Variants in CDC42SE2 observed in about 807,000 individuals in gnomAD.
CDC42SE2 encodes CDC42 small effector protein 2.
A neutral mutation model predicts 11.5 loss-of-function variants in CDC42SE2; 3 were observed. The ratio of observed to expected loss-of-function variants is 0.26; its 90% CI spans 0.12 to 0.67. The LOEUF is 0.67. Ranked by LOEUF, CDC42SE2 falls within the 30% of genes least tolerant of loss-of-function variation. The pLI is 0.80. For missense variants in CDC42SE2, 82 were observed against 106.8 expected, an observed-to-expected ratio of 0.77 and a Z score of 1.02; for synonymous variants, 33 against 34.8, an observed-to-expected ratio of 0.95 and a Z score of 0.18.
intron 2 of CDC42SE2, among the ~76,000 whole-genome samples, chr5:131,317,383 G>A (rs1404914317): frequency 6.6e-6 from 1 of 152,100 alleles, no homozygotes; most frequent in African/African-American, 2.4e-5. Flanking sequence ...TATTTTCTGT[G>A]ATAATTATAG....
upstream of CDC42SE2, among the ~76,000 whole-genome samples, chr5:131,240,908 A>G (rs753008272): frequency 2.0e-5 from 3 of 152,162 alleles, no homozygotes; most frequent in Non-Finnish European, 4.4e-5. Context: ...TGTATGGTGG[A>G]TAACTTTAGT....
rs1260037259 is a variant in CDC42SE2 at position 131,391,800 on chromosome 5, ATAAT to A, written c.*711_*714del. ...AAGGATAAACCCTGAAAATGTAGAA[ATAAT>A]TTCAAGTTTTTTTTTGTTTTATAGG... On this transcript the variant is annotated 3_prime_UTR_variant, in exon 5 of 5. Coordinates refer to ENST00000505065, the MANE Select transcript of CDC42SE2 (RefSeq NM_001375635.1). The A allele has an allele frequency of 6.6e-6, 1 of 151,682 alleles. No homozygotes were observed. Among genetic ancestry groups the A allele is most frequent in the East Asian group, 1.9e-4 (1 of 5,260 alleles). 9.4% of individuals were successfully genotyped at this position (151,682 alleles called of 1,614,324 possible). A position where few individuals can be genotyped will look rare whatever the true frequency, so the allele number is the denominator to read the frequency against.
At chr5:131,349,038 T>C (rs1213493768) in intron 2 of CDC42SE2, among the ~76,000 whole-genome samples, 2 of 152,182 alleles carry the variant, frequency 1.3e-5, no homozygotes, top group Admixed American at 6.5e-5. Flanking sequence ...ATAAAAACCC[T>C]AGAAGAAAAC....
In CDC42SE2 at chr5:131,380,480, G is replaced by A. The variant is rs1278275237; in HGVS notation, c.55-5063G>A. Among the ~76,000 whole-genome samples, 3 of 152,112 alleles carry A rather than the reference G, an allele frequency of 2.0e-5. No individual in the cohort carries two copies. The South Asian group carries it at 6.2e-4, about 31-fold the overall frequency. On this transcript the variant is annotated intron_variant, in intron 3 of 4. Transcript: ENST00000505065. ...CTATTATACAGTACCCCAAACAAGT[G>A]TGCCATTCTTTAAATGTCCACATTG...
chr5:131,296,441 C>T (rs150766092), intron 1 of CDC42SE2, among the ~76,000 whole-genome samples: 80 of 152,248 alleles, frequency 5.3e-4, no homozygotes, highest in African/African-American at 1.1e-3. Flanking sequence ...GTGTCAACAG[C>T]GCTGTGTTCC....
In CDC42SE2 at chr5:131,278,613, A is replaced by T. The variant is rs944894629; in HGVS notation, c.-455+14447A>T. 5.8e-4 allele frequency among the ~76,000 whole-genome samples: 86 copies of T among 149,302 alleles called. 1 individual carries two copies. Among genetic ancestry groups the T allele is most frequent in the Non-Finnish European group, 7.1e-4 (48 of 67,618 alleles). On this transcript the variant is annotated intron_variant, in intron 1 of 4. Coordinates refer to ENST00000505065, the MANE Select transcript of CDC42SE2 (RefSeq NM_001375635.1). ...GGGCCCTTTTCTCAAAGAGGTGGTC[A>T]AATATTTATCAGCAGACCACTGGCA... is the stretch of plus-strand genomic sequence containing the variant.
At chr5:131,341,078 C>T (rs1758701757) in intron 2 of CDC42SE2, among the ~76,000 whole-genome samples, 1 of 152,132 alleles carries the variant, frequency 6.6e-6, no homozygotes, top group Non-Finnish European at 1.5e-5. Flanking sequence ...AAATATTAAT[C>T]ATCAGCATCA....
chr5:131,269,699 G>A (rs1756951345), intron 1 of CDC42SE2, among the ~76,000 whole-genome samples: 1 of 151,932 alleles, frequency 6.6e-6, no homozygotes, highest in African/African-American at 2.4e-5. Context: ...GGGAGACAGA[G>A]GCTGCAGTGA....
At chr5:131,239,871 C>T in the CDC42SE2 span, among the ~76,000 whole-genome samples, 1 of 152,214 alleles carries the variant, frequency 6.6e-6, no homozygotes, top group South Asian at 2.1e-4. Flanking sequence ...TGACTCTTAT[C>T]TGACAGTTTT....
chr5:131,234,022 A>C, the CDC42SE2 span, among the ~76,000 whole-genome samples: 1 of 152,182 alleles, frequency 6.6e-6, no homozygotes, highest in Admixed American at 6.5e-5. Context: ...TACCACTAGG[A>C]AATCTGGCAC....
chr5:131,376,432 T>C (rs1034081145), intron 3 of CDC42SE2, among the ~76,000 whole-genome samples: 1 of 152,200 alleles, frequency 6.6e-6, no homozygotes, highest in African/African-American at 2.4e-5. Context: ...GAACTGTGCC[T>C]GGTATCTTAT....
At chr5:131,302,548 T>C (rs1161051410) in intron 1 of CDC42SE2, among the ~76,000 whole-genome samples, 2 of 152,126 alleles carry the variant, frequency 1.3e-5, no homozygotes, top group Non-Finnish European at 2.9e-5. Flanking sequence ...ACTCCTGACC[T>C]CAAGTGATCC....
At chr5:131,262,167 GT>G (rs111700927), upstream of CDC42SE2, among the ~76,000 whole-genome samples, 84 of 144,164 alleles carry the variant, frequency 5.8e-4, no homozygotes, top group Middle Eastern at 6.9e-3. Flanking sequence ...GAATTTTCTG[GT>G]TTTTTTTTTT....
intron 2 of CDC42SE2, among the ~76,000 whole-genome samples, chr5:131,342,968 T>C (rs573122060): frequency 6.6e-6 from 1 of 152,210 alleles, no homozygotes; most frequent in African/African-American, 2.4e-5. Context: ...CCACTTCAGC[T>C]TTCCAATGTG....
chr5:131,347,271 A>AAG (rs892482228), intron 2 of CDC42SE2, among the ~76,000 whole-genome samples: 4 of 152,174 alleles, frequency 2.6e-5, no homozygotes, highest in Admixed American at 2.6e-4. Context: ...TAAAGAAGAA[A>AAG]AGAGAGAAGA....
the CDC42SE2 span, among the ~76,000 whole-genome samples, chr5:131,216,358 C>T: frequency 2.0e-5 from 3 of 151,694 alleles, no homozygotes; most frequent in Non-Finnish European, 4.4e-5. Flanking sequence ...AAATATTAGC[C>T]GGGCATGGTG....
chr5:131,360,622 A>G (rs1008751578), intron 3 of CDC42SE2, among the ~76,000 whole-genome samples: 2 of 152,232 alleles, frequency 1.3e-5, no homozygotes, highest in African/African-American at 2.4e-5. Flanking sequence ...GGTCTTCACC[A>G]TGTTAACTTG....
intron 1 of CDC42SE2, among the ~76,000 whole-genome samples, chr5:131,312,249 G>T (rs973022396): frequency 6.6e-6 from 1 of 152,030 alleles, no homozygotes; most frequent in South Asian, 2.1e-4. Context: ...TCCCAGTTAG[G>T]CTTCTCGGGG....
chr5:131,319,193 GGTAGGAGAAAGGTC>G (rs1561583195), intron 2 of CDC42SE2, among the ~76,000 whole-genome samples: 7 of 151,958 alleles, frequency 4.6e-5, no homozygotes, highest in Non-Finnish European at 8.8e-5. Flanking sequence ...GGGGGTGTAA[GGTAGGAGAAAGGTC>G]GATATGACTT....
Sources: gnomAD v4.1 joint callset for allele counts (sites outside exome capture counted in the v4.1 genomes callset) on GRCh38, gnomAD v4.1.1 for gene constraint, MANE v1.5 for transcripts, NCBI Gene and HGNC (gene_info 2026-07-23, HGNC 2026-07-21) for gene names.